GABRB1: variants seen among roughly 807,000 people sequenced by gnomAD.
GABRB1 encodes the protein gamma-aminobutyric acid type A receptor subunit beta1, also known as gamma-aminobutyric acid receptor subunit beta-1.
In GABRB1, 17 loss-of-function variants were observed where a neutral mutation model predicts 51.6. The ratio of observed to expected loss-of-function variants is 0.33; its 90% confidence interval spans 0.23 to 0.49. GABRB1 has a LOEUF of 0.49. Ranked by LOEUF, GABRB1 falls within the 20% of genes least tolerant of loss-of-function variation. GABRB1 has a pLI of 0.99. For missense variants in GABRB1, 410 were observed against 600.6 expected (o/e 0.68, Z 3.32); for synonymous variants, 247 against 218.9 (o/e 1.13, Z -1.14).
At chr4:47,166,045 A>G (rs922077526) in intron 4 of GABRB1, among the ~76,000 whole-genome samples, 1 of 151,830 alleles carries the variant, frequency 6.6e-6, no homozygotes, top group African/African-American at 2.4e-5. Flanking sequence ...CCCATTTCCT[A>G]TCTCAATTTT....
At chr4:47,135,756 CA>C (rs1382679056) in intron 3 of GABRB1, among the ~76,000 whole-genome samples, 2 of 151,944 alleles carry the variant, frequency 1.3e-5, no homozygotes, top group African/African-American at 4.8e-5. Flanking sequence ...TTCATCTGTT[CA>C]AAGCATTTTC....
chr4:47,295,348 T>C, intron 4 of GABRB1, among the ~76,000 whole-genome samples: 1 of 152,228 alleles, frequency 6.6e-6, no homozygotes, highest in Non-Finnish European at 1.5e-5. Flanking sequence ...GCAAAGAAGT[T>C]AAAAACTTTG....
rs71654859 is a variant in GABRB1 at position 47,032,073 on chromosome 4, C to CAAAAAAAAA, written c.172+73_172+81dup. The CAAAAAAAAA allele has an allele frequency of 2.8e-3, 1,262 of 450,114 alleles. 100 individuals carry two copies. Among genetic ancestry groups the CAAAAAAAAA allele is most frequent in the Admixed American group, 0.017 (358 of 20,776 alleles). The allele number at this position is 450,114 out of a possible 1,614,324, so 27.9% of individuals were successfully genotyped here. On this transcript the variant is annotated intron_variant, in intron 2 of 8. Transcript: ENST00000295454. ...CTCCTTTTCTGTCAAAGATAAATGTCAAAAAAAAAAAAAGAAAAGGCATGT... is the reference window on the plus strand; with the variant it reads ...CTCCTTTTCTGTCAAAGATAAATGTCAAAAAAAAAAAAAAAAAAAAAAGAAAAGGCATGT...
At chr4:46,996,328 A>T (rs2109422602) in intron 1 of GABRB1, among the ~76,000 whole-genome samples, 1 of 152,242 alleles carries the variant, frequency 6.6e-6, no homozygotes, top group South Asian at 2.1e-4. Context: ...GCCCAAGTAC[A>T]CTATCCCCAA....
intron 4 of GABRB1, among the ~76,000 whole-genome samples, chr4:47,230,295 A>G (rs1418988595): frequency 6.6e-6 from 1 of 152,168 alleles, no homozygotes; most frequent in Admixed American, 6.6e-5. Flanking sequence ...AAGGAGCCAA[A>G]GGCATCTAGG....
intron 5 of GABRB1, among the ~76,000 whole-genome samples, chr4:47,399,563 C>T (rs1728307594): frequency 6.6e-6 from 1 of 152,060 alleles, no homozygotes. Flanking sequence ...GATTCTTTAC[C>T]GTTCCTCTCT....
intron 4 of GABRB1, among the ~76,000 whole-genome samples, chr4:47,279,372 A>C (rs971430828): frequency 6.6e-6 from 1 of 152,170 alleles, no homozygotes; most frequent in Non-Finnish European, 1.5e-5. Context: ...AATAAGACTG[A>C]ATAGAGCAAA....
At chr4:47,092,157 CTTTCTTTCTTTT>C (rs1728326566) in intron 3 of GABRB1, among the ~76,000 whole-genome samples, 3 of 99,742 alleles carry the variant, frequency 3.0e-5, no homozygotes, top group African/African-American at 1.4e-4. Context: ...TTCTTTCTTT[CTTTCTTTCTTTT>C]TTTTTTTTTT....
At chr4:47,043,921 A>G (rs571510698) in intron 3 of GABRB1, among the ~76,000 whole-genome samples, 2 of 152,244 alleles carry the variant, frequency 1.3e-5, no homozygotes, top group African/African-American at 4.8e-5. Flanking sequence ...GAATGGTTGC[A>G]TGAGAGAACA....
intron 3 of GABRB1, among the ~76,000 whole-genome samples, chr4:47,123,535 ATATAT>A (rs1452877792): frequency 2.3e-5 from 2 of 85,794 alleles, no homozygotes; most frequent in East Asian, 3.5e-4. Context: ...ACATTATTTC[ATATAT>A]TATAATATAT....
chr4:47,217,258 A>G (rs1239482040), intron 4 of GABRB1, among the ~76,000 whole-genome samples: 1 of 151,848 alleles, frequency 6.6e-6, no homozygotes, highest in Non-Finnish European at 1.5e-5. Flanking sequence ...CTATAGTATT[A>G]AATACCTAAG....
intron 5 of GABRB1, among the ~76,000 whole-genome samples, chr4:47,340,759 C>CA (rs1448809392): frequency 2.0e-5 from 3 of 152,122 alleles, no homozygotes; most frequent in Non-Finnish European, 4.4e-5. Context: ...TAGCAGGTAA[C>CA]AATACATCTC....
intron 3 of GABRB1, among the ~76,000 whole-genome samples, chr4:47,147,829 T>C (rs963552591): frequency 5.9e-5 from 9 of 151,958 alleles, no homozygotes; most frequent in African/African-American, 2.2e-4. Flanking sequence ...GGCTGGATAA[T>C]AGAGTAAAAG....
At chr4:47,152,879 G>C (rs1461749139) in intron 3 of GABRB1, among the ~76,000 whole-genome samples, 1 of 151,964 alleles carries the variant, frequency 6.6e-6, no homozygotes, top group Non-Finnish European at 1.5e-5. Context: ...TCCTTTAGTG[G>C]AGTATTAAGT....
chr4:47,157,617 G>A (rs954268363), intron 3 of GABRB1, among the ~76,000 whole-genome samples: 2 of 152,064 alleles, frequency 1.3e-5, no homozygotes, highest in East Asian at 1.9e-4. Context: ...ATATGAAAGG[G>A]TTATGAGAAC....
chr4:47,362,070 A>T (rs745934755), intron 5 of GABRB1, among the ~76,000 whole-genome samples: 15 of 152,154 alleles, frequency 9.9e-5, no homozygotes, highest in Non-Finnish European at 1.9e-4. Flanking sequence ...GTCTGCAAAG[A>T]ATTGTGACAA....
At chr4:47,121,169 T>A (rs932885228) in intron 3 of GABRB1, among the ~76,000 whole-genome samples, 8 of 152,152 alleles carry the variant, frequency 5.3e-5, no homozygotes, top group African/African-American at 1.9e-4. Context: ...CTCTGACCAC[T>A]CCTCTGGCTA....
intron 4 of GABRB1, among the ~76,000 whole-genome samples, chr4:47,265,323 T>C (rs1722607371): frequency 6.6e-6 from 1 of 152,184 alleles, no homozygotes; most frequent in African/African-American, 2.4e-5. Flanking sequence ...TATATATATA[T>C]ACATACCACA....
chr4:47,019,065 A>C (rs1671723044), intron 1 of GABRB1, among the ~76,000 whole-genome samples: 1 of 152,202 alleles, frequency 6.6e-6, no homozygotes, highest in African/African-American at 2.4e-5. Flanking sequence ...TCAAATGAAA[A>C]TAATTTGACA....
Sources: allele counts gnomAD v4.1 joint callset (sites outside exome capture counted in the v4.1 genomes callset), GRCh38; gene constraint gnomAD v4.1.1; transcripts MANE v1.5; gene names NCBI Gene and HGNC (gene_info 2026-07-23, HGNC 2026-07-21).